Variants in LRRC8D observed in about 807,000 individuals in gnomAD.
The protein encoded by LRRC8D is volume-regulated anion channel subunit LRRC8D.
A neutral mutation model predicts 55.8 loss-of-function variants in LRRC8D; 20 were observed. That is an observed-to-expected ratio of 0.36 (90% CI 0.25 to 0.52). LRRC8D has a LOEUF of 0.52. Among genes scored for constraint, LRRC8D ranks in the 20% least tolerant of loss-of-function variants. The pLI is 0.93. For synonymous variants in LRRC8D, 352 were observed against 377.0 expected (o/e 0.93, Z 0.77); for missense variants, 651 against 1,030.8 (o/e 0.63, Z 5.05).
At chr1:89,884,431 G>A (rs1662363416) in intron 2 of LRRC8D, among the ~76,000 whole-genome samples, 1 of 152,162 alleles carries the variant, frequency 6.6e-6, no homozygotes, top group African/African-American at 2.4e-5. Context: ...GATATCAGAA[G>A]TCATATATGC....
At chr1:89,897,575 T>C (rs1284319374) in intron 2 of LRRC8D, among the ~76,000 whole-genome samples, 2 of 152,210 alleles carry the variant, frequency 1.3e-5, no homozygotes, top group Non-Finnish European at 2.9e-5. Context: ...TTGGATGCTG[T>C]GTCTATACAC....
At chr1:89,915,359 A>G (rs992229369) in intron 2 of LRRC8D, among the ~76,000 whole-genome samples, 1 of 152,260 alleles carries the variant, frequency 6.6e-6, no homozygotes, top group Non-Finnish European at 1.5e-5. Context: ...CATGTTGTAT[A>G]TAAAGTCACA....
chr1:89,880,002 G>A (rs975455196), intron 2 of LRRC8D, among the ~76,000 whole-genome samples: 3 of 152,052 alleles, frequency 2.0e-5, no homozygotes, highest in Non-Finnish European at 4.4e-5. Flanking sequence ...TTCAAAAGAA[G>A]TAAGGTTGAA....
intron 2 of LRRC8D, among the ~76,000 whole-genome samples, chr1:89,865,448 T>G (rs560316457): frequency 6.6e-6 from 1 of 151,526 alleles, no homozygotes; most frequent in South Asian, 2.1e-4. Flanking sequence ...AAATTTAAAT[T>G]AATAAGATGA....
chr1:89,896,950 TAATC>T (rs1203459005), intron 2 of LRRC8D, among the ~76,000 whole-genome samples: 1 of 152,224 alleles, frequency 6.6e-6, no homozygotes, highest in Non-Finnish European at 1.5e-5. Flanking sequence ...ATTGTCATAA[TAATC>T]CCTTTGGAAA....
chr1:89,929,772 A>G (rs145921882), intron 2 of LRRC8D: 1 of 152,358 alleles, frequency 6.6e-6, no homozygotes, highest in East Asian at 1.9e-4. Context: ...AATTCCCAAC[A>G]TCATTACTGA....
At chr1:89,855,171 A>C (rs1175716881) in intron 2 of LRRC8D, among the ~76,000 whole-genome samples, 1 of 152,188 alleles carries the variant, frequency 6.6e-6, no homozygotes, top group African/African-American at 2.4e-5. Context: ...AAGTATTCAG[A>C]GGATCTTACC....
intron 2 of LRRC8D, among the ~76,000 whole-genome samples, chr1:89,880,130 T>C (rs1422576356): frequency 6.6e-6 from 1 of 151,382 alleles, no homozygotes; most frequent in Non-Finnish European, 1.5e-5. Flanking sequence ...TATTACTGAT[T>C]GGAAATTGGT....
intron 2 of LRRC8D, among the ~76,000 whole-genome samples, chr1:89,857,008 T>G (rs1383975856): frequency 1.3e-5 from 2 of 152,236 alleles, no homozygotes; most frequent in East Asian, 3.9e-4. Flanking sequence ...GATTTTAGTT[T>G]CTTAAAACAA....
At chr1:89,835,383 T>G (rs1157218143) in intron 1 of LRRC8D, among the ~76,000 whole-genome samples, 1 of 152,178 alleles carries the variant, frequency 6.6e-6, no homozygotes, top group African/African-American at 2.4e-5. Flanking sequence ...GGTTCTATGG[T>G]TTGCTTTTTG....
chr1:89,888,429 G>A (rs527401637), intron 2 of LRRC8D, among the ~76,000 whole-genome samples: 15 of 152,294 alleles, frequency 9.8e-5, no homozygotes, highest in Non-Finnish European at 2.1e-4. Context: ...TGGAGATACC[G>A]ATATGAATTC....
intron 2 of LRRC8D, among the ~76,000 whole-genome samples, chr1:89,920,865 A>G (rs1425283619): frequency 6.6e-6 from 1 of 152,130 alleles, no homozygotes; most frequent in African/African-American, 2.4e-5. Flanking sequence ...GTGTTAGGGA[A>G]GGCTTGTTGT....
At chr1:89,895,559 T>G (rs1048443499) in intron 2 of LRRC8D, among the ~76,000 whole-genome samples, 1 of 152,228 alleles carries the variant, frequency 6.6e-6, no homozygotes, top group Non-Finnish European at 1.5e-5. Flanking sequence ...CTGTTTGTTT[T>G]TTTACTTTTA....
intron 2 of LRRC8D, chr1:89,846,605 A>T (rs1260391919): frequency 6.6e-6 from 1 of 152,038 alleles, no homozygotes; most frequent in Non-Finnish European, 1.5e-5. Flanking sequence ...TGCCTTACCA[A>T]ATCTCCAGGT....
chr1:89,834,397 A>C (rs2100718601), intron 1 of LRRC8D, among the ~76,000 whole-genome samples: 1 of 152,278 alleles, frequency 6.6e-6, no homozygotes, highest in Admixed American at 6.5e-5. Flanking sequence ...TTCTATTCTT[A>C]TATCAGCCAT....
At chr1:89,874,692 A>G (rs996038416) in intron 2 of LRRC8D, among the ~76,000 whole-genome samples, 1 of 152,192 alleles carries the variant, frequency 6.6e-6, no homozygotes, top group African/African-American at 2.4e-5. Context: ...ATGATGAAGT[A>G]TTGCAATAAT....
intron 2 of LRRC8D, among the ~76,000 whole-genome samples, chr1:89,862,578 G>T (rs1661747980): frequency 6.6e-6 from 1 of 152,074 alleles, no homozygotes; most frequent in African/African-American, 2.4e-5. Context: ...ATGTATTTAT[G>T]TTTTTCAGTC....
intron 1 of LRRC8D, among the ~76,000 whole-genome samples, chr1:89,829,181 T>C (rs1660830874): frequency 6.6e-6 from 1 of 152,254 alleles, no homozygotes; most frequent in African/African-American, 2.4e-5. Context: ...CAGATATGGC[T>C]GCTTTTTTGT....
intron 2 of LRRC8D, among the ~76,000 whole-genome samples, chr1:89,863,315 C>A (rs1661766679): frequency 6.6e-6 from 1 of 152,204 alleles, no homozygotes; most frequent in African/African-American, 2.4e-5. Flanking sequence ...ATGTAGTCTT[C>A]TGGTCTGTGG....
Sources: gnomAD v4.1 joint callset for allele counts (sites outside exome capture counted in the v4.1 genomes callset) on GRCh38, gnomAD v4.1.1 for gene constraint, MANE v1.5 for transcripts, NCBI Gene and HGNC (gene_info 2026-07-23, HGNC 2026-07-21) for gene names.